ZNF283: variants seen among roughly 807,000 people sequenced by gnomAD.
ZNF283 encodes the protein zinc finger protein 283.
Under a neutral mutation model 9.2 loss-of-function variants are expected in ZNF283, and 10 were observed. The observed-to-expected ratio is 1.09, with a 90% confidence interval of 0.67 to 1.85. The LOEUF (loss-of-function observed/expected upper bound fraction) is 1.85, where lower values mean the gene tolerates loss of function less well. Among genes scored for constraint, ZNF283 ranks in the 40% most tolerant of loss-of-function variants. The probability of loss-of-function intolerance (pLI) is 0.00; values close to 1 mark genes in which losing one functional copy is unlikely to be tolerated. For synonymous variants in ZNF283, 234 were observed against 244.1 expected, an observed-to-expected ratio of 0.96 and a Z score of 0.38; for missense variants, 631 against 760.1, an observed-to-expected ratio of 0.83 and a Z score of 2.00.
At chr19:43,835,355 T>G in intron 4 of ZNF283, 150 bp from the exon 5 acceptor site, 2 of 590,222 alleles carry the variant, frequency 3.4e-6, no homozygotes. Context: ...CTGAAGACCT[T>G]TGGGGTTTAG....
chr19:43,843,566 C>T (rs986489084), intron 6 of ZNF283, among the ~76,000 whole-genome samples: 1 of 152,100 alleles, frequency 6.6e-6, no homozygotes, highest in Non-Finnish European at 1.5e-5. Context: ...TAATTTTGAG[C>T]TTTATAGCTT....
rs1274470299 is a variant in ZNF283, at chr19:43,841,144, A to C, written c.337+3965A>C. The C allele has an allele frequency of 2.6e-5, 4 of 152,278 alleles. No individual in the cohort carries two copies. In the East Asian group the frequency reaches 7.7e-4, roughly 29 times the overall value. The allele number at this position is 152,278 out of a possible 1,614,324, so 9.4% of individuals were successfully genotyped here. On this transcript the variant is annotated intron_variant, in intron 6 of 6. Coordinates refer to ENST00000618787, the MANE Select transcript of ZNF283 (RefSeq NM_181845.2). ...TGATATGGTTAGATTTCAGTTTACT[A>C]TCTTGCTATTTTTTGTTTCACTAGT...
In ZNF283 at chr19:43,847,629, G is replaced by A; in HGVS notation, c.1028G>A (p.Gly343Asp). ...SLAKHEIIHT[G>D]EKPYKCKECG... ...GCTAAACATGAGATAATTCATACAG[G>A]TGAGAAACCTTATAAATGTAAAGAA... Residue 343 changes from glycine (G) to aspartate (D), a missense_variant, in exon 7 of 7, where the codon GGT becomes GAT. By Grantham distance (94) the Gly-to-Asp change is moderately conservative. Transcript: ENST00000618787. The A allele has an allele frequency of 6.2e-7, 1 of 1,613,502 alleles. No individual in the cohort carries two copies. The highest frequency in any genetic ancestry group is 8.5e-7 in the Non-Finnish European group (1 of 1,179,790).
chr19:43,828,654 A>G (rs1014399329), intron 2 of ZNF283, among the ~76,000 whole-genome samples: 1 of 151,782 alleles, frequency 6.6e-6, no homozygotes, highest in African/African-American at 2.4e-5. Flanking sequence ...CATAATTAAA[A>G]TTTTTTTTTA....
In ZNF283 at chr19:43,848,077, C is replaced by T. The variant is rs370825634; in HGVS notation, c.1476C>T (p.Cys492=). ...TGEKSHECKE[C]GKTFCSGYQL... ...AGAAATCCCATGAATGTAAAGAATG[C>T]GGAAAGACCTTTTGTAGTGGGTATC... Residue 492 remains cysteine (C), a synonymous_variant, in exon 7 of 7, where the codon TGC becomes TGT. Transcript: ENST00000618787. The T allele has an allele frequency of 1.3e-5, 21 of 1,603,262 alleles. No homozygotes were observed. The highest frequency in any genetic ancestry group is 1.5e-5 in the Non-Finnish European group (18 of 1,176,854).
Position 43,848,695 on chromosome 19 carries a change from A to G in ZNF283, c.*54A>G. 6.8e-7 allele frequency: 1 copy of G among 1,465,824 alleles called. No individual in the cohort carries two copies. The highest frequency in any genetic ancestry group is 1.4e-5 in the African/African-American group (1 of 71,134). 90.8% of individuals were successfully genotyped at this position (1,465,824 alleles called of 1,614,324 possible). A position where few individuals can be genotyped will look rare whatever the true frequency, so the allele number is the denominator to read the frequency against. On this transcript the variant is annotated 3_prime_UTR_variant, in exon 7 of 7. Transcript: ENST00000618787. ...GTGTGTATAGACAACTTATCATAAT[A>G]AGAACTCTTACTCTTGAGAAACCTT...
intron 3 of ZNF283, among the ~76,000 whole-genome samples, chr19:43,833,226 A>G (rs1970795061): frequency 6.6e-6 from 1 of 152,036 alleles, no homozygotes; most frequent in Non-Finnish European, 1.5e-5. Flanking sequence ...CAGAACTTTT[A>G]TCTTAATTTC....
chr19:43,848,039 G>A lies in ZNF283; in HGVS notation c.1438G>A (p.Val480Ile), dbSNP rs150594708. 5.6e-6 allele frequency: 9 copies of A among 1,610,992 alleles called. No individual in the cohort carries two copies. The highest frequency in any genetic ancestry group is 6.8e-6 in the Non-Finnish European group (8 of 1,179,180). ...TTCAAGCCTTGTTAAACATGAGAGA[G>A]TTCATACTGGTGAGAAATCCCATGA... ...WGSSLVKHER[V>I]HTGEKSHECK... The change falls in exon 7 of 7, where the codon GTT (valine) becomes ATT (isoleucine). Residue 480 changes from valine to isoleucine, a missense_variant. By Grantham distance (29) the Val-to-Ile change is conservative (BLOSUM62 3). Around this residue, in one of 3 missense-constraint regions of ZNF283, gnomAD observed 444 missense variants for 522.5 expected, o/e 0.85. Transcript: ENST00000618787.
chr19:43,840,396 C>T (rs1263590090), intron 6 of ZNF283, among the ~76,000 whole-genome samples: 6 of 152,142 alleles, frequency 3.9e-5, no homozygotes, highest in Non-Finnish European at 5.9e-5. Context: ...GACAAGGTCA[C>T]GCTGCCCACC....
intron 5 of ZNF283, 113 bp from the exon 6 acceptor site, chr19:43,836,940 A>T (rs369988269): frequency 1.7e-6 from 2 of 1,173,866 alleles, no homozygotes. Flanking sequence ...CTTTCAGCCT[A>T]CTCGATTGTT....
At chr19:43,844,407 T>A (rs1268496073) in intron 6 of ZNF283, among the ~76,000 whole-genome samples, 2 of 152,160 alleles carry the variant, frequency 1.3e-5, no homozygotes, top group Non-Finnish European at 2.9e-5. Context: ...TACATAGAAA[T>A]TAAAATTCGC....
At position 43,848,328 on chromosome 19, in the gene ZNF283, G is replaced by A. The variant is rs138984590; in HGVS notation, c.1727G>A (p.Cys576Tyr). The A allele has an allele frequency of 1.2e-6, 2 of 1,614,052 alleles. No individual in the cohort carries two copies. The highest frequency in any genetic ancestry group is 1.3e-5 in the African/African-American group (1 of 75,034). The change falls in exon 7 of 7, where the codon TGT (cysteine) becomes TAT (tyrosine). Residue 576 changes from cysteine to tyrosine, a missense_variant. Transcript: ENST00000618787. ...GAGAAACCTTTCAAATGTAAGGAAT[G>A]TGGGAAGGCCTTCAGTTGGGGTTCA... ...TGEKPFKCKECGKAFSWGSSL... is the reference protein window; with the variant it reads ...TGEKPFKCKEYGKAFSWGSSL...
intron 4 of ZNF283, among the ~76,000 whole-genome samples, chr19:43,835,091 T>G (rs943608117): frequency 6.6e-6 from 1 of 152,218 alleles, no homozygotes; most frequent in Non-Finnish European, 1.5e-5. Flanking sequence ...TCATGAATAT[T>G]CTGATATATG....
chr19:43,837,071 G>A lies in ZNF283; in HGVS notation c.229G>A (p.Asp77Asn). ...TMTDGLVTFR[D>N]VAIDFSQEEW... The stretch of plus-strand genomic sequence containing the variant: ...GTTTTAGGGGTTGGTGACATTCAGG[G>A]ATGTGGCCATCGACTTCTCTCAGGA... Residue 77 changes from aspartate to asparagine, a missense_variant, in exon 6 of 7, where the codon GAT becomes AAT. Physicochemically the swap from Asp to Asn is conservative, Grantham distance 23. This residue lies in a region of ZNF283 where 184 missense variants were observed against 220.0 expected (regional missense o/e 0.84). Transcript: ENST00000618787. The A allele has an allele frequency of 1.9e-6, 3 of 1,614,128 alleles. No individual in the cohort carries two copies. Among genetic ancestry groups the A allele is most frequent in the Non-Finnish European group, 2.5e-6 (3 of 1,180,010 alleles).
chr19:43,833,484 C>CTTTT lies in ZNF283; in HGVS notation c.1-7_1-4dup, dbSNP rs55882936. ...GTGTTTCTTTCTTCTTTACCTATTT[C>CTTTT]TTTTTTTTTTTTTTTTTCAGATGGA... On this transcript the variant is annotated intron_variant, in intron 3 of 6. Coordinates refer to ENST00000618787, the MANE Select transcript of ZNF283 (RefSeq NM_181845.2). 332 of 138,042 alleles carry CTTTT rather than the reference C, an allele frequency of 2.4e-3. 2 individuals carry two copies. Among genetic ancestry groups the CTTTT allele is most frequent in the South Asian group, 0.012 (124 of 10,676 alleles). 8.6% of individuals were successfully genotyped at this position (138,042 alleles called of 1,614,324 possible). A position where few individuals can be genotyped will look rare whatever the true frequency, so the allele number is the denominator to read the frequency against.
intron 6 of ZNF283, chr19:43,837,902 T>C (rs1483539289): frequency 6.6e-6 from 1 of 152,222 alleles, no homozygotes; most frequent in African/African-American, 2.4e-5. Flanking sequence ...GAACATGTAC[T>C]AAGAAATTAG....
intron 6 of ZNF283, among the ~76,000 whole-genome samples, chr19:43,844,978 G>A (rs2146576537): frequency 6.6e-6 from 1 of 152,206 alleles, no homozygotes; most frequent in East Asian, 1.9e-4. Flanking sequence ...TATTACGATT[G>A]TTCCAAATTG....
At chr19:43,834,288 C>T (rs2146541088) in intron 4 of ZNF283, among the ~76,000 whole-genome samples, 1 of 151,890 alleles carries the variant, frequency 6.6e-6, no homozygotes, top group South Asian at 2.1e-4. Flanking sequence ...ATAAAACCTC[C>T]CCTCAAAAAA....
intron 6 of ZNF283, among the ~76,000 whole-genome samples, chr19:43,843,892 A>G (rs1389633251): frequency 6.6e-6 from 1 of 152,188 alleles, no homozygotes; most frequent in African/African-American, 2.4e-5. Context: ...ATGGACTAGT[A>G]AAATATTCTG....
Sources: gnomAD v4.1 joint callset for allele counts (sites outside exome capture counted in the v4.1 genomes callset) on GRCh38, gnomAD v4.1.1 for gene constraint, gnomAD v4.1.1 regional missense constraint, MANE v1.5 for transcripts, NCBI Gene and HGNC (gene_info 2026-07-23, HGNC 2026-07-21) for gene names.